The following SCOC variants were observed in gnomAD, a reference collection of about 807,000 sequenced individuals.
SCOC encodes short coiled-coil protein.
In SCOC, 7 loss-of-function variants were observed where a neutral mutation model predicts 9.9. That is an observed-to-expected ratio of 0.71 (90% CI 0.40 to 1.33). The LOEUF (loss-of-function observed/expected upper bound fraction) is 1.33. Ranked by LOEUF, SCOC falls within the 40% of genes most tolerant of loss-of-function variation. The pLI is 0.01. For synonymous variants in SCOC, 19 were observed against 28.2 expected (o/e 0.67, Z 1.03); for missense variants, 66 against 89.7 (o/e 0.74, Z 1.07).
chr4:140,294,475 G>T (rs1265942986), intron 1 of SCOC, among the ~76,000 whole-genome samples: 1 of 152,076 alleles, frequency 6.6e-6, no homozygotes, highest in Non-Finnish European at 1.5e-5. Context: ...TCATTGTCAG[G>T]AAAAAATGGG....
chr4:140,378,457 A>G (rs1728436347), intron 1 of SCOC, among the ~76,000 whole-genome samples: 1 of 152,132 alleles, frequency 6.6e-6, no homozygotes. Flanking sequence ...TATTTTCAGT[A>G]GCCACTCCAT....
In SCOC at chr4:140,366,791, A is replaced by AT. The variant is rs147110540; in HGVS notation, c.71-12326dup. The stretch of plus-strand genomic sequence containing the variant: ...TCAATAACATCTACAGTTGCAACCA[A>AT]TTTTCTGGCACGAGGTCCAGAGGGG... On this transcript the variant is annotated intron_variant, in intron 2 of 4. Coordinates refer to the SCOC transcript ENST00000338517. 3.9e-3 allele frequency: 4,949 copies of AT among 1,274,156 alleles called. 149 individuals are homozygous for AT. The African/African-American group carries it at 0.062, about 16-fold the overall frequency. The allele number at this position is 1,274,156 out of a possible 1,614,324, so 78.9% of individuals were successfully genotyped here. A position where few individuals can be genotyped will look rare whatever the true frequency, so the allele number is the denominator to read the frequency against.
intron 1 of SCOC, among the ~76,000 whole-genome samples, chr4:140,319,214 C>T (rs1343460922): frequency 6.6e-6 from 1 of 152,146 alleles, no homozygotes; most frequent in African/African-American, 2.4e-5. Flanking sequence ...GCCTCAGCCT[C>T]CTGAGTAGCT....
intron 2 of SCOC, among the ~76,000 whole-genome samples, chr4:140,345,757 ATATG>A (rs1326825902): frequency 1.3e-5 from 2 of 152,176 alleles, no homozygotes; most frequent in African/African-American, 4.8e-5. Context: ...ATACATATAT[ATATG>A]TAAGGGAGGC....
chr4:140,335,331 A>G (rs1732928495), intron 1 of SCOC, among the ~76,000 whole-genome samples: 1 of 152,098 alleles, frequency 6.6e-6, no homozygotes, highest in East Asian at 1.9e-4. Context: ...GTTTCCTTAG[A>G]GAGTTGTTGT....
chr4:140,286,678 A>G (rs919805395), intron 1 of SCOC, among the ~76,000 whole-genome samples: 5 of 152,356 alleles, frequency 3.3e-5, no homozygotes, highest in East Asian at 1.9e-4. Flanking sequence ...TTGAGCGCAT[A>G]AGCATGACTG....
In SCOC at chr4:140,278,716, T is replaced by A. The variant is rs145725317; in HGVS notation, c.-19+21306T>A. On this transcript the variant is annotated intron_variant, in intron 1 of 4. Transcript: ENST00000394205. ...TGTATACATTTTGGAGGGACACATA[T>A]ATTCAAATCATAGCAGGTGAGATTC... Among the ~76,000 whole-genome samples, 51 of 152,328 alleles carry A rather than the reference T, an allele frequency of 3.3e-4. No homozygotes were observed. The Middle Eastern group carries it at 0.01, about 30-fold the overall frequency.
At chr4:140,261,425 T>C (rs1730630387) in intron 1 of SCOC, among the ~76,000 whole-genome samples, 1 of 152,224 alleles carries the variant, frequency 6.6e-6, no homozygotes, top group African/African-American at 2.4e-5. Flanking sequence ...GTAAGGCATT[T>C]GCAGAGGATG....
At chr4:140,282,026 T>C (rs1372515642) in intron 1 of SCOC, among the ~76,000 whole-genome samples, 1 of 152,220 alleles carries the variant, frequency 6.6e-6, no homozygotes, top group Admixed American at 6.5e-5. Flanking sequence ...CCCCTTATGA[T>C]GTTTCAGGAA....
At chr4:140,331,493 A>G (rs1195414680) in intron 1 of SCOC, among the ~76,000 whole-genome samples, 1 of 152,200 alleles carries the variant, frequency 6.6e-6, no homozygotes, top group African/African-American at 2.4e-5. Context: ...TAAACATCTT[A>G]CATGGGATCA....
chr4:140,365,132 A>T (rs1727732848), intron 2 of SCOC, among the ~76,000 whole-genome samples: 1 of 151,688 alleles, frequency 6.6e-6, no homozygotes, highest in Admixed American at 6.6e-5. Context: ...AGGATTTACC[A>T]CAGAGCCAAT....
chr4:140,343,227 T>C (rs1250675137), upstream of SCOC, among the ~76,000 whole-genome samples: 1 of 152,212 alleles, frequency 6.6e-6, no homozygotes, highest in Non-Finnish European at 1.5e-5. Flanking sequence ...GATAAATCCT[T>C]GAGAAGTTTA....
intron 1 of SCOC, among the ~76,000 whole-genome samples, chr4:140,260,508 C>T (rs1730608134): frequency 6.6e-6 from 1 of 152,202 alleles, no homozygotes; most frequent in Non-Finnish European, 1.5e-5. Context: ...AAAGATCTAT[C>T]ATATGCTCGA....
intron 1 of SCOC, among the ~76,000 whole-genome samples, chr4:140,324,747 G>A (rs1446470296): frequency 6.6e-6 from 1 of 152,036 alleles, no homozygotes; most frequent in African/African-American, 2.4e-5. Context: ...TTATTAAGAG[G>A]CCAGTTCTCC....
intron 1 of SCOC, among the ~76,000 whole-genome samples, chr4:140,289,486 AGATGTT>A (rs1490026120): frequency 6.6e-6 from 1 of 152,016 alleles, no homozygotes; most frequent in African/African-American, 2.4e-5. Context: ...GTATTACTTG[AGATGTT>A]AAGACTGTGG....
intron 1 of SCOC, among the ~76,000 whole-genome samples, chr4:140,277,269 G>A (rs1731004860): frequency 6.6e-6 from 1 of 152,066 alleles, no homozygotes; most frequent in Admixed American, 6.5e-5. Flanking sequence ...TCAGGTAGAG[G>A]CCACCCACAA....
intron 1 of SCOC, among the ~76,000 whole-genome samples, chr4:140,329,915 A>G (rs1029145228): frequency 1.3e-5 from 2 of 152,210 alleles, no homozygotes; most frequent in Non-Finnish European, 2.9e-5. Flanking sequence ...AAGAGCTAAA[A>G]GTAGATCTAC....
chr4:140,365,268 A>G (rs1727741868), intron 2 of SCOC, among the ~76,000 whole-genome samples: 4 of 152,282 alleles, frequency 2.6e-5, no homozygotes, highest in African/African-American at 9.6e-5. Context: ...AATTAACAGA[A>G]GAAGACATGG....
intron 1 of SCOC, among the ~76,000 whole-genome samples, chr4:140,326,502 A>C (rs1732650004): frequency 6.6e-6 from 1 of 152,186 alleles, no homozygotes; most frequent in African/African-American, 2.4e-5. Context: ...GACTTCAAAA[A>C]AGTTCATTTA....
Sources: gnomAD v4.1 joint callset for allele counts (sites outside exome capture counted in the v4.1 genomes callset) on GRCh38, gnomAD v4.1.1 for gene constraint, MANE v1.5 for transcripts, NCBI Gene and HGNC (gene_info 2026-07-23, HGNC 2026-07-21) for gene names.